Variants in SNX9 observed in about 807,000 individuals in gnomAD.
SNX9 encodes the protein sorting nexin 9.
SNX9 carries 44 observed loss-of-function variants against 89.4 expected under a neutral mutation model. The ratio of observed to expected loss-of-function variants is 0.49; its 90% CI spans 0.39 to 0.63. SNX9 has a LOEUF of 0.63. SNX9 is among the 30% of genes least tolerant of loss of function. The pLI is 0.00. For synonymous variants in SNX9, 236 were observed against 247.8 expected, an observed-to-expected ratio of 0.95 and a Z score of 0.45; for missense variants, 578 against 736.1, an observed-to-expected ratio of 0.79 and a Z score of 2.49.
At chr6:157,834,502 C>A (rs1043697585) in intron 1 of SNX9, among the ~76,000 whole-genome samples, 1 of 147,714 alleles carries the variant, frequency 6.8e-6, no homozygotes, top group East Asian at 1.9e-4. Flanking sequence ...GTGTGCCACC[C>A]CCCCGGCCAA....
At chr6:157,849,449 G>A (rs968529790) in intron 1 of SNX9, among the ~76,000 whole-genome samples, 2 of 152,234 alleles carry the variant, frequency 1.3e-5, no homozygotes, top group African/African-American at 2.4e-5. Context: ...AGCACTGGAA[G>A]GTTTGAGTCA....
At chr6:157,833,960 T>C (rs560030362) in intron 1 of SNX9, among the ~76,000 whole-genome samples, 6 of 151,906 alleles carry the variant, frequency 3.9e-5, no homozygotes, top group South Asian at 2.1e-4. Context: ...GAGACAGGAG[T>C]TGGACTTAAG....
At chr6:157,840,226 A>G (rs942196466) in intron 1 of SNX9, among the ~76,000 whole-genome samples, 1 of 129,964 alleles carries the variant, frequency 7.7e-6, no homozygotes, top group African/African-American at 3.2e-5. Flanking sequence ...ATCTCGGGAA[A>G]GAGCAGACCC....
chr6:157,885,875 A>G (rs1403299959), intron 4 of SNX9, among the ~76,000 whole-genome samples: 8 of 152,352 alleles, frequency 5.3e-5, no homozygotes, highest in East Asian at 3.9e-4. Flanking sequence ...GGTGGCCCAT[A>G]AGAGCTGCGA....
rs1328090271 is a variant in SNX9, at chr6:157,943,314, T to C, written c.*476T>C. On this transcript the variant is annotated 3_prime_UTR_variant, in exon 18 of 18. Transcript: ENST00000392185. The stretch of plus-strand genomic sequence containing the variant: ...TATGTTTGTATATTTTTATAACTCC[T>C]TTCAGTCCTCTGGGGCTCCTGTCAT... 1 of 152,474 alleles carries C rather than the reference T, an allele frequency of 6.6e-6. No individual in the cohort carries two copies. The highest frequency in any genetic ancestry group is 1.5e-5 in the Non-Finnish European group (1 of 68,194). The allele number at this position is 152,474 out of a possible 1,614,324, so 9.4% of individuals were successfully genotyped here.
At chr6:157,841,592 G>A (rs1781704213) in intron 1 of SNX9, among the ~76,000 whole-genome samples, 1 of 152,136 alleles carries the variant, frequency 6.6e-6, no homozygotes, top group African/African-American at 2.4e-5. Flanking sequence ...CAGTGAAGTA[G>A]GCTGTGTGTA....
At chr6:157,839,818 C>T (rs1436560565) in intron 1 of SNX9, among the ~76,000 whole-genome samples, 2 of 152,202 alleles carry the variant, frequency 1.3e-5, no homozygotes, top group African/African-American at 2.4e-5. Context: ...TAACTCTCTC[C>T]ACCACTTCCT....
chr6:157,836,593 C>A (rs886906137), intron 1 of SNX9, among the ~76,000 whole-genome samples: 3 of 150,716 alleles, frequency 2.0e-5, no homozygotes, highest in Admixed American at 6.6e-5. Flanking sequence ...CATTTCTTTT[C>A]TTTCTTTTTT....
chr6:157,941,198 G>A (rs771732092), intron 17 of SNX9, among the ~76,000 whole-genome samples: 16 of 152,112 alleles, frequency 1.1e-4, no homozygotes, highest in Non-Finnish European at 2.2e-4. Flanking sequence ...CAGGGGTCTT[G>A]GATGCTAGTT....
intron 1 of SNX9, among the ~76,000 whole-genome samples, chr6:157,846,597 T>C (rs948122052): frequency 7.9e-5 from 12 of 152,266 alleles, no homozygotes; most frequent in African/African-American, 2.9e-4. Flanking sequence ...ATATAAAGTA[T>C]TTAAATTCTT....
chr6:157,925,583 T>G (rs749478159), intron 10 of SNX9, among the ~76,000 whole-genome samples: 4 of 151,976 alleles, frequency 2.6e-5, no homozygotes, highest in Non-Finnish European at 5.9e-5. Context: ...AATAGATAAA[T>G]AAATTGGGGA....
intron 16 of SNX9, among the ~76,000 whole-genome samples, chr6:157,940,044 T>G (rs2115223289): frequency 6.6e-6 from 1 of 152,326 alleles, no homozygotes; most frequent in South Asian, 2.1e-4. Flanking sequence ...CCAGTCCTCC[T>G]GCCCTGTGAG....
intron 1 of SNX9, among the ~76,000 whole-genome samples, chr6:157,863,416 T>TA (rs1389256395): frequency 6.6e-6 from 1 of 152,242 alleles, no homozygotes; most frequent in Non-Finnish European, 1.5e-5. Context: ...ATGGAACAGA[T>TA]ACGTGAGATT....
chr6:157,878,729 C>G (rs944789923), intron 4 of SNX9, among the ~76,000 whole-genome samples: 3 of 152,124 alleles, frequency 2.0e-5, no homozygotes, highest in Admixed American at 6.5e-5. Flanking sequence ...CTGAGACTGA[C>G]AGCACAAAGT....
intron 4 of SNX9, among the ~76,000 whole-genome samples, chr6:157,888,397 A>T (rs1214547555): frequency 6.6e-6 from 1 of 152,220 alleles, no homozygotes; most frequent in Non-Finnish European, 1.5e-5. Flanking sequence ...AATATAATGC[A>T]TTGAAGATAA....
At chr6:157,838,348 C>T (rs967541602) in intron 1 of SNX9, among the ~76,000 whole-genome samples, 3 of 151,794 alleles carry the variant, frequency 2.0e-5, no homozygotes, top group Non-Finnish European at 2.9e-5. Context: ...CAGTCTCTCT[C>T]TAGAATTTAT....
intron 12 of SNX9, among the ~76,000 whole-genome samples, chr6:157,929,373 A>G (rs1421543486): frequency 6.6e-6 from 1 of 152,238 alleles, no homozygotes; most frequent in African/African-American, 2.4e-5. Flanking sequence ...TGTTACACCC[A>G]CAGGCTCAGA....
intron 10 of SNX9, among the ~76,000 whole-genome samples, chr6:157,926,332 A>T: frequency 6.6e-6 from 1 of 152,138 alleles, no homozygotes; most frequent in East Asian, 1.9e-4. Flanking sequence ...GTGACAATTC[A>T]TTGCACTGGA....
At chr6:157,900,815 G>A (rs985348093) in intron 5 of SNX9, among the ~76,000 whole-genome samples, 2 of 152,168 alleles carry the variant, frequency 1.3e-5, no homozygotes, top group African/African-American at 2.4e-5. Context: ...ATATTAATCA[G>A]CAGTAACAGT....
Sources: gnomAD v4.1 joint callset for allele counts (sites outside exome capture counted in the v4.1 genomes callset) on GRCh38, gnomAD v4.1.1 for gene constraint, MANE v1.5 for transcripts, NCBI Gene and HGNC (gene_info 2026-07-23, HGNC 2026-07-21) for gene names.